Variants in BCKDHB observed in about 807,000 individuals in gnomAD.
BCKDHB encodes the protein branched chain keto acid dehydrogenase E1 subunit beta, also known as 2-oxoisovalerate dehydrogenase subunit beta, mitochondrial.
In BCKDHB, 41 loss-of-function variants were observed where a neutral mutation model predicts 48.5. That is an observed-to-expected ratio of 0.85 (90% CI 0.66 to 1.10). The LOEUF is 1.10. Among genes scored for constraint, BCKDHB ranks in the 50% least tolerant of loss-of-function variants. The pLI is 0.00. For missense variants in BCKDHB, 496 were observed against 494.2 expected (o/e 1.00, Z -0.03); for synonymous variants, 201 against 174.8 (o/e 1.15, Z -1.18).
At chr6:80,162,307 T>C (rs1327274838) in intron 3 of BCKDHB, among the ~76,000 whole-genome samples, 2 of 152,190 alleles carry the variant, frequency 1.3e-5, no homozygotes, top group Admixed American at 6.5e-5. Context: ...TAAGCTCTTA[T>C]CACTGCATAT....
At chr6:80,185,721 TG>T (rs1219826565) in intron 6 of BCKDHB, among the ~76,000 whole-genome samples, 1 of 152,210 alleles carries the variant, frequency 6.6e-6, no homozygotes, top group African/African-American at 2.4e-5. Flanking sequence ...GCGGGGCTGC[TG>T]GGCTCTGGGC....
chr6:80,221,920 C>A (rs1039822944), intron 8 of BCKDHB, among the ~76,000 whole-genome samples: 1 of 152,228 alleles, frequency 6.6e-6, no homozygotes, highest in African/African-American at 2.4e-5. Context: ...AACAGTGTAT[C>A]CTTCCAATGG....
downstream of BCKDHB, among the ~76,000 whole-genome samples, chr6:80,347,020 C>G (rs1343315273): frequency 6.7e-6 from 1 of 149,822 alleles, no homozygotes; most frequent in African/African-American, 2.5e-5. Flanking sequence ...AAAAAGAACA[C>G]TTTTCTATAA....
At chr6:80,348,714 C>CAGACTATG (rs1770311600), downstream of BCKDHB, among the ~76,000 whole-genome samples, 1 of 152,174 alleles carries the variant, frequency 6.6e-6, no homozygotes, top group South Asian at 2.1e-4. Context: ...GACTATGTTA[C>CAGACTATG]TTTTAGCAGA....
At chr6:80,222,935 AG>A (rs1436806912) in intron 8 of BCKDHB, among the ~76,000 whole-genome samples, 1 of 152,194 alleles carries the variant, frequency 6.6e-6, no homozygotes, top group Admixed American at 6.5e-5. Flanking sequence ...TTAGTTTCTT[AG>A]CCCACATTAG....
intron 6 of BCKDHB, among the ~76,000 whole-genome samples, chr6:80,194,084 C>G (rs1401023028): frequency 6.6e-6 from 1 of 152,100 alleles, no homozygotes; most frequent in Non-Finnish European, 1.5e-5. Context: ...TCTGTCAGGC[C>G]TTGCATTAAG....
At chr6:80,131,933 G>T (rs1007192531) in intron 3 of BCKDHB, among the ~76,000 whole-genome samples, 19 of 152,092 alleles carry the variant, frequency 1.2e-4, no homozygotes, top group African/African-American at 4.3e-4. Flanking sequence ...GAGCCACTGC[G>T]CCTGGCTACC....
chr6:80,342,915 CAT>C (rs1178503635), intron 9 of BCKDHB, among the ~76,000 whole-genome samples: 4 of 152,180 alleles, frequency 2.6e-5, no homozygotes, highest in Non-Finnish European at 4.4e-5. Flanking sequence ...TCATGGGACT[CAT>C]AGTCTCTCAT....
At chr6:80,350,761 T>A (rs866159234), downstream of BCKDHB, among the ~76,000 whole-genome samples, 1 of 152,230 alleles carries the variant, frequency 6.6e-6, no homozygotes. Flanking sequence ...GAATAATTAT[T>A]TCAAGAATGT....
chr6:80,349,350 C>T (rs939301526), downstream of BCKDHB, among the ~76,000 whole-genome samples: 4 of 151,964 alleles, frequency 2.6e-5, no homozygotes, highest in Admixed American at 6.6e-5. Flanking sequence ...TGTTACGGGC[C>T]GGGCACCGGG....
chr6:80,136,763 CCAAT>C (rs755226995), intron 3 of BCKDHB, among the ~76,000 whole-genome samples: 3 of 151,754 alleles, frequency 2.0e-5, no homozygotes, highest in Non-Finnish European at 1.5e-5. Context: ...AAAAAAAACC[CCAAT>C]CAATTAAAAA....
At chr6:80,282,489 G>A (rs1375529423) in intron 9 of BCKDHB, among the ~76,000 whole-genome samples, 2 of 151,910 alleles carry the variant, frequency 1.3e-5, no homozygotes, top group Non-Finnish European at 2.9e-5. Flanking sequence ...GGAAAATATC[G>A]GACACATTAT....
At chr6:80,109,552 A>T (rs187783533) in intron 1 of BCKDHB, among the ~76,000 whole-genome samples, 17 of 152,306 alleles carry the variant, frequency 1.1e-4, no homozygotes, top group African/African-American at 2.9e-4. Context: ...TATTAATGCT[A>T]AAATTAGGTG....
the BCKDHB span, among the ~76,000 whole-genome samples, chr6:80,420,330 TG>T: frequency 6.6e-6 from 1 of 152,234 alleles, no homozygotes. Flanking sequence ...CTACATATTC[TG>T]GTAGACACGC....
chr6:80,187,458 G>T (rs889670978), intron 6 of BCKDHB, among the ~76,000 whole-genome samples: 18 of 152,100 alleles, frequency 1.2e-4, no homozygotes, highest in Non-Finnish European at 1.9e-4. Context: ...AGGGGTAAGG[G>T]TCTGTAAAAC....
At chr6:80,176,330 G>A (rs76697152) in intron 6 of BCKDHB, among the ~76,000 whole-genome samples, 2,180 of 152,256 alleles carry the variant, frequency 0.014, 51 homozygotes, top group African/African-American at 0.049. Context: ...ATGAAAATTA[G>A]AACGCTGCAG....
chr6:80,409,630 A>ATG, the BCKDHB span, among the ~76,000 whole-genome samples: 1 of 92,838 alleles, frequency 1.1e-5, no homozygotes, highest in Non-Finnish European at 2.2e-5. Context: ...ATATATATAT[A>ATG]TGATAGTTAG....
intron 5 of BCKDHB, chr6:80,169,726 G>A (rs1329012540): frequency 1.0e-4 from 131 of 1,286,728 alleles, no homozygotes; most frequent in Non-Finnish European, 1.3e-4. Flanking sequence ...ATCCAGAGAT[G>A]TATATTTGTT....
chr6:80,361,464 A>G, the BCKDHB span, among the ~76,000 whole-genome samples: 3 of 152,182 alleles, frequency 2.0e-5, no homozygotes, highest in African/African-American at 2.4e-5. Flanking sequence ...ATTTATTCAT[A>G]AGTAAGGTAT....
Sources: allele counts gnomAD v4.1 joint callset (sites outside exome capture counted in the v4.1 genomes callset), GRCh38; gene constraint gnomAD v4.1.1; transcripts MANE v1.5; gene names NCBI Gene and HGNC (gene_info 2026-07-23, HGNC 2026-07-21).